The following SEPTIN9 variants were observed in gnomAD, a reference collection of about 807,000 sequenced individuals.
The protein encoded by SEPTIN9 is septin 9, also known as septin-9.
Under a neutral mutation model 56.6 loss-of-function variants are expected in SEPTIN9, and 13 were observed. The observed-to-expected ratio is 0.23, with a 90% CI of 0.15 to 0.37. SEPTIN9 has a LOEUF of 0.37. SEPTIN9 is among the 10% of genes least tolerant of loss of function. SEPTIN9 has a pLI of 1.00. For synonymous variants in SEPTIN9, 332 were observed against 334.1 expected (o/e 0.99, Z 0.07); for missense variants, 650 against 823.1 (o/e 0.79, Z 2.57).
In SEPTIN9 at chr17:77,475,761, A is replaced by G; in HGVS notation, c.722-6383A>G. On this transcript the variant is annotated intron_variant, in intron 3 of 11. Coordinates refer to ENST00000427177, the MANE Select transcript of SEPTIN9 (RefSeq NM_001113491.2). The surrounding 1 kb of genome is among the most constrained non-coding windows in gnomAD (Gnocchi z 4.6). Reference sequence around the variant, plus strand: ...GTAGATGCCGGCAGCTTTCTCCTGGACACGGGCCTGGAAGGCTGACAGGGT... The same window carrying G: ...GTAGATGCCGGCAGCTTTCTCCTGGGCACGGGCCTGGAAGGCTGACAGGGT... 1 of 1,613,134 alleles carries G rather than the reference A, an allele frequency of 6.2e-7. No individual in the cohort carries two copies. The highest frequency in any genetic ancestry group is 8.5e-7 in the Non-Finnish European group (1 of 1,179,874).
Position 77,341,784 on chromosome 17 carries a change from CA to C in SEPTIN9, c.76+34602del, listed in dbSNP as rs34170928. ...TGGGCAACAGAGCGAGACTCCATCT[CA>C]AAAAAAAAAAAAAAGGGCCGGGCGC... On this transcript the variant is annotated intron_variant, in intron 2 of 11. Transcript: ENST00000427177. Among the ~76,000 whole-genome samples the C allele has an allele frequency of 7.2e-4, 82 of 113,400 alleles. 1 individual carries two copies. The highest frequency in any genetic ancestry group is 6.7e-4 in the Admixed American group (7 of 10,488). 74.4% of individuals were successfully genotyped at this position (113,400 alleles called of 152,430 possible). A position where few individuals can be genotyped will look rare whatever the true frequency, so the allele number is the denominator to read the frequency against.
chr17:77,431,563 A>G lies in SEPTIN9; in HGVS notation c.721+28860A>G, dbSNP rs200237709. On this transcript the variant is annotated intron_variant, in intron 3 of 11. Transcript: ENST00000427177. ...TGTATGAGAACCACCTCAGCCAGGC[A>G]CGGTGGTTCACGTCTATAATCCCAG... is the stretch of plus-strand genomic sequence containing the variant. Among the ~76,000 whole-genome samples, 338 of 152,230 alleles carry G rather than the reference A, an allele frequency of 2.2e-3. 8 individuals are homozygous for G. In the South Asian group the frequency reaches 0.055, roughly 25 times the overall value.
intron 2 of SEPTIN9, among the ~76,000 whole-genome samples, chr17:77,346,542 G>T (rs1415995441): frequency 6.6e-6 from 1 of 151,870 alleles, no homozygotes; most frequent in Middle Eastern, 3.2e-3. Flanking sequence ...ACTTTGGCCA[G>T]ACAAGCATAT....
chr17:77,319,787 G>A lies in SEPTIN9; in HGVS notation c.76+12590G>A. ...GGGAAAATGAAAGACTTTGGAAGTC[G>A]TCAGGAATTTGACTCTGTGAGTTGG... is the stretch of plus-strand genomic sequence containing the variant. On this transcript the variant is annotated intron_variant, in intron 2 of 11. Coordinates refer to ENST00000427177, the MANE Select transcript of SEPTIN9 (RefSeq NM_001113491.2). This position sits in a 1 kb window ranked among gnomAD's most constrained non-coding sequence, Gnocchi z 5.3. 7 of 1,073,982 alleles carry A rather than the reference G, an allele frequency of 6.5e-6. No homozygotes were observed. The highest frequency in any genetic ancestry group is 4.9e-5 in the Admixed American group (1 of 20,262). 66.5% of individuals were successfully genotyped at this position (1,073,982 alleles called of 1,614,324 possible).
chr17:77,393,743 C>T (rs770290810), intron 2 of SEPTIN9, among the ~76,000 whole-genome samples: 18 of 152,216 alleles, frequency 1.2e-4, no homozygotes, highest in South Asian at 4.1e-4. Flanking sequence ...TGCACCACCA[C>T]GCCTGACTAT....
rs2037306087 is a variant in SEPTIN9 at position 77,435,544 on chromosome 17, TG to T, written c.721+32843del. 6.6e-6 allele frequency among the ~76,000 whole-genome samples: 1 copy of T among 152,050 alleles called. No individual in the cohort carries two copies. The highest frequency in any genetic ancestry group is 1.5e-5 in the Non-Finnish European group (1 of 67,990). ...GCCCTACACCTGATTGGCAGCAGAGTGGCCCCTCCTTGGTGTGGTCTGGAGG... is the reference window on the plus strand; with the variant it reads ...GCCCTACACCTGATTGGCAGCAGAGTGCCCCTCCTTGGTGTGGTCTGGAGG... On this transcript the variant is annotated intron_variant, in intron 3 of 11. Coordinates refer to ENST00000427177, the MANE Select transcript of SEPTIN9 (RefSeq NM_001113491.2). The surrounding 1 kb of genome is among the most constrained non-coding windows in gnomAD (Gnocchi z 4.5).
In SEPTIN9 at chr17:77,492,841, G is replaced by A; in HGVS notation, c.1476+125G>A. The A allele has an allele frequency of 8.2e-7, 1 of 1,217,182 alleles. No individual in the cohort carries two copies. Among genetic ancestry groups the A allele is most frequent in the Non-Finnish European group, 1.2e-6 (1 of 824,758 alleles). 75.4% of individuals were successfully genotyped at this position (1,217,182 alleles called of 1,614,324 possible). On this transcript the variant is annotated intron_variant, in intron 9 of 11. Coordinates refer to ENST00000427177, the MANE Select transcript of SEPTIN9 (RefSeq NM_001113491.2). This position sits in a 1 kb window ranked among gnomAD's most constrained non-coding sequence, Gnocchi z 5.4. ...TTGGGGCCAGAGGGCACTGAGCCCA[G>A]GTGTCTGTACCCAGTGCTGTCAGGC...
chr17:77,311,609 C>A (rs2032496228), intron 2 of SEPTIN9, among the ~76,000 whole-genome samples: 1 of 152,196 alleles, frequency 6.6e-6, no homozygotes, highest in South Asian at 2.1e-4. Flanking sequence ...GCCAAACTCT[C>A]CTGACAATTG....
At chr17:77,295,216 G>A (rs1291784865) in intron 1 of SEPTIN9, among the ~76,000 whole-genome samples, 1 of 152,170 alleles carries the variant, frequency 6.6e-6, no homozygotes, top group Non-Finnish European at 1.5e-5. Flanking sequence ...TGGACATGTG[G>A]TTAGGGCCCT....
intron 3 of SEPTIN9, among the ~76,000 whole-genome samples, chr17:77,413,843 T>C (rs1176326870): frequency 1.3e-5 from 2 of 151,526 alleles, no homozygotes; most frequent in Non-Finnish European, 2.9e-5. Context: ...GACACACCTA[T>C]ATATGGGGTG....
intron 3 of SEPTIN9, among the ~76,000 whole-genome samples, chr17:77,415,457 A>C (rs900726288): frequency 6.6e-6 from 1 of 152,060 alleles, no homozygotes; most frequent in Non-Finnish European, 1.5e-5. Flanking sequence ...AAATATAAAA[A>C]TTAGCTGGGT....
At chr17:77,390,001 C>A (rs192317842) in intron 2 of SEPTIN9, among the ~76,000 whole-genome samples, 183 of 152,130 alleles carry the variant, frequency 1.2e-3, no homozygotes, top group African/African-American at 4.4e-3. Flanking sequence ...GCTGCCGGAA[C>A]CAGGGGCACG....
intron 3 of SEPTIN9, among the ~76,000 whole-genome samples, chr17:77,479,889 C>G (rs139845545): frequency 0.018 from 2,686 of 152,294 alleles, 78 homozygotes; most frequent in South Asian, 0.066. Context: ...GAACTGCTGC[C>G]CCGCAAGGCA....
intron 3 of SEPTIN9, among the ~76,000 whole-genome samples, chr17:77,462,439 C>T (rs2038519482): frequency 6.6e-6 from 1 of 152,152 alleles, no homozygotes; most frequent in African/African-American, 2.4e-5. Flanking sequence ...CATGTGCCAC[C>T]CCGCCTGGCT....
In SEPTIN9 at chr17:77,445,592, T is replaced by C. The variant is rs929715884; in HGVS notation, c.722-36552T>C. On this transcript the variant is annotated intron_variant, in intron 3 of 11. Coordinates refer to ENST00000427177, the MANE Select transcript of SEPTIN9 (RefSeq NM_001113491.2). The surrounding 1 kb of genome is among the most constrained non-coding windows in gnomAD (Gnocchi z 4.7). ...AGCTGTGAAACCACATCCCCTCCTC[T>C]CTGCTGCTGTGTTGCTGTGTGTTTC... is the stretch of plus-strand genomic sequence containing the variant. 8 of 374,524 alleles carry C rather than the reference T, an allele frequency of 2.1e-5. No homozygotes were observed. The highest frequency in any genetic ancestry group is 6.1e-5 in the South Asian group (3 of 49,134). The allele number at this position is 374,524 out of a possible 1,614,324, so 23.2% of individuals were successfully genotyped here.
Position 77,310,732 on chromosome 17 carries a change from G to T in SEPTIN9, c.76+3535G>T, listed in dbSNP as rs1413756117. Among the ~76,000 whole-genome samples the T allele has an allele frequency of 6.6e-6, 1 of 152,064 alleles. No homozygotes were observed. Among genetic ancestry groups the T allele is most frequent in the East Asian group, 1.9e-4 (1 of 5,160 alleles). ...CAGGCAGCCGCCTCTCTGACTGAGCGTCCAGCGGACTTTTGCCCTGTTTCC... is the reference window on the plus strand; with the variant it reads ...CAGGCAGCCGCCTCTCTGACTGAGCTTCCAGCGGACTTTTGCCCTGTTTCC... On this transcript the variant is annotated intron_variant, in intron 2 of 11. Coordinates refer to ENST00000427177, the MANE Select transcript of SEPTIN9 (RefSeq NM_001113491.2). This position sits in a 1 kb window ranked among gnomAD's most constrained non-coding sequence, Gnocchi z 4.7.
In SEPTIN9 at chr17:77,405,751, C is replaced by T. The variant is rs758071461; in HGVS notation, c.721+3048C>T. On this transcript the variant is annotated intron_variant, in intron 3 of 11. Coordinates refer to ENST00000427177, the MANE Select transcript of SEPTIN9 (RefSeq NM_001113491.2). The surrounding 1 kb of genome is among the most constrained non-coding windows in gnomAD (Gnocchi z 5.8). ...CCGAGGCACCACCTGCTTGCTTCTCCGTCCTCCCTCTCTGTGTCACGACCG... is the reference window on the plus strand; with the variant it reads ...CCGAGGCACCACCTGCTTGCTTCTCTGTCCTCCCTCTCTGTGTCACGACCG... 3.3e-5 allele frequency among the ~76,000 whole-genome samples: 5 copies of T among 152,130 alleles called. No individual in the cohort carries two copies. Among genetic ancestry groups the T allele is most frequent in the South Asian group, 2.1e-4 (1 of 4,834 alleles).
intron 3 of SEPTIN9, among the ~76,000 whole-genome samples, chr17:77,440,719 C>T (rs1464846478): frequency 1.3e-5 from 2 of 152,272 alleles, no homozygotes; most frequent in African/African-American, 4.8e-5. Context: ...GCCGTCTGCA[C>T]AGGTGCCATC....
rs1222458404 is a variant in SEPTIN9, at chr17:77,371,816, T to C, written c.77-30243T>C. On this transcript the variant is annotated intron_variant, in intron 2 of 11. Coordinates refer to ENST00000427177, the MANE Select transcript of SEPTIN9 (RefSeq NM_001113491.2). The surrounding 1 kb of genome is among the most constrained non-coding windows in gnomAD (Gnocchi z 4.1). Reference sequence around the variant, plus strand: ...TTCCCATGTCCACAAACTCACTTGGTTGAAAATAGTTCAAAATATCCAAAG... The same window carrying C: ...TTCCCATGTCCACAAACTCACTTGGCTGAAAATAGTTCAAAATATCCAAAG... Among the ~76,000 whole-genome samples the C allele has an allele frequency of 6.6e-6, 1 of 152,202 alleles. No homozygotes were observed. The highest frequency in any genetic ancestry group is 1.5e-5 in the Non-Finnish European group (1 of 68,030).
Sources: gnomAD v4.1 joint callset for allele counts (sites outside exome capture counted in the v4.1 genomes callset) on GRCh38, gnomAD v4.1.1 for gene constraint, Gnocchi (gnomAD v3.1) non-coding constraint, MANE v1.5 for transcripts, NCBI Gene and HGNC (gene_info 2026-07-23, HGNC 2026-07-21) for gene names.